Variants in ELAVL1 observed in about 807,000 individuals in gnomAD.
ELAVL1 encodes ELAV-like protein 1.
ELAVL1 carries 1 observed loss-of-function variant against 28.4 expected under a neutral mutation model. That is an observed-to-expected ratio of 0.04 (90% CI 0.01 to 0.17). The LOEUF (loss-of-function observed/expected upper bound fraction) is 0.17. Among genes scored for constraint, ELAVL1 ranks in the 10% least tolerant of loss-of-function variants. ELAVL1 has a pLI of 1.00. For synonymous variants in ELAVL1, 174 were observed against 183.5 expected, an observed-to-expected ratio of 0.95 and a Z score of 0.42; for missense variants, 157 against 447.2, an observed-to-expected ratio of 0.35 and a Z score of 5.85.
chr19:7,993,733 C>A (rs1269217232), intron 1 of ELAVL1, among the ~76,000 whole-genome samples: 1 of 151,698 alleles, frequency 6.6e-6, no homozygotes, highest in Non-Finnish European at 1.5e-5. Context: ...CGGTGAGAGC[C>A]CATCCCTTTC....
intron 2 of ELAVL1, among the ~76,000 whole-genome samples, chr19:7,989,096 G>A (rs535410800): frequency 2.6e-4 from 39 of 152,182 alleles, no homozygotes; most frequent in African/African-American, 4.3e-4. Context: ...CAGATTCGCC[G>A]GGGTGCCTGC....
Position 7,961,785 on chromosome 19 carries a change from GCTGAC to G in ELAVL1, c.*1693_*1697del, listed in dbSNP as rs1244579519. On this transcript the variant is annotated 3_prime_UTR_variant, in exon 6 of 6. Transcript: ENST00000407627. ...CAATTGTCCAGGGGCCTCTCGAGAC[GCTGAC>G]CTGCTCTGGGGACGGTGGTGCCTGC... is the stretch of plus-strand genomic sequence containing the variant. 2 of 152,198 alleles carry G rather than the reference GCTGAC, an allele frequency of 1.3e-5. No individual in the cohort carries two copies. Among genetic ancestry groups the G allele is most frequent in the Non-Finnish European group, 2.9e-5 (2 of 68,042 alleles). 9.4% of individuals were successfully genotyped at this position (152,198 alleles called of 1,614,324 possible).
chr19:7,991,458 A>G (rs1370937572), intron 2 of ELAVL1, among the ~76,000 whole-genome samples, 186 bp downstream of exon 2: 1 of 152,070 alleles, frequency 6.6e-6, no homozygotes, highest in Non-Finnish European at 1.5e-5. Flanking sequence ...CTCTTTTGGG[A>G]ACTTATGTCC....
At chr19:7,984,041 C>A (rs1985535457) in intron 2 of ELAVL1, among the ~76,000 whole-genome samples, 1 of 152,128 alleles carries the variant, frequency 6.6e-6, no homozygotes. Flanking sequence ...GCCCTGAGGA[C>A]CCACCTTTGG....
At chr19:7,965,198 G>A (rs1984923653) in intron 5 of ELAVL1, among the ~76,000 whole-genome samples, 1 of 152,170 alleles carries the variant, frequency 6.6e-6, no homozygotes, top group South Asian at 2.1e-4. Flanking sequence ...GACCACAGGT[G>A]TGTGCCACCA....
intron 2 of ELAVL1, among the ~76,000 whole-genome samples, chr19:7,990,595 T>C (rs1985725815): frequency 6.6e-6 from 1 of 151,688 alleles, no homozygotes; most frequent in African/African-American, 2.4e-5. Flanking sequence ...CTTGAACTTC[T>C]GAGCAAGTGA....
Position 7,969,171 on chromosome 19 carries a change from A to G in ELAVL1, c.431-1381T>C, listed in dbSNP as rs115193951. ...CGCCTGAGGCCAGGAGTTCAAGACC[A>G]GCCTGGACAACACAGTAAGATCTCA... is the stretch of plus-strand genomic sequence containing the variant. On this transcript the variant is annotated intron_variant, in intron 4 of 5. Transcript: ENST00000407627. Among the ~76,000 whole-genome samples the G allele has an allele frequency of 9.6e-3, 1,469 of 152,356 alleles. 25 individuals carry two copies. The highest frequency in any genetic ancestry group is 0.034 in the African/African-American group (1,421 of 41,590).
At chr19:7,973,901 G>C (rs200534294) in intron 3 of ELAVL1, 23 bp from the exon 4 acceptor site, 2 of 1,613,244 alleles carry the variant, frequency 1.2e-6, no homozygotes, top group Non-Finnish European at 1.7e-6. Context: ...ACCACTTTCC[G>C]AGATTAGTAC....
chr19:7,991,515 T>G (rs1985751949), intron 2 of ELAVL1, 129 bp downstream of exon 2: 2 of 934,798 alleles, frequency 2.1e-6, no homozygotes, highest in South Asian at 1.9e-5. Flanking sequence ...AAAATGAAAC[T>G]TCACAGCCAT....
In ELAVL1 at chr19:7,982,215, A is replaced by T. The variant is rs574080392; in HGVS notation, c.173-1029T>A. 6.6e-6 allele frequency among the ~76,000 whole-genome samples: 1 copy of T among 152,318 alleles called. No homozygotes were observed. Among genetic ancestry groups the T allele is most frequent in the East Asian group, 1.9e-4 (1 of 5,184 alleles). ...AGGAGCTTCACAGGACATTTGGCCA[A>T]ATGCTCTCACTAAAGGGGAAGTGAG... On this transcript the variant is annotated intron_variant, in intron 2 of 5. Coordinates refer to ENST00000407627, the MANE Select transcript of ELAVL1 (RefSeq NM_001419.3). The surrounding 1 kb of genome is among the most constrained non-coding windows in gnomAD (Gnocchi z 4.3).
intron 1 of ELAVL1, among the ~76,000 whole-genome samples, chr19:7,993,436 G>T (rs372070965): frequency 1.4e-4 from 22 of 152,330 alleles, no homozygotes; most frequent in African/African-American, 5.1e-4. Context: ...GACACAGTGA[G>T]TGAGCTGGAA....
chr19:7,978,510 C>T (rs1235852698), intron 3 of ELAVL1, among the ~76,000 whole-genome samples: 1 of 152,212 alleles, frequency 6.6e-6, no homozygotes, highest in East Asian at 1.9e-4. Flanking sequence ...GGCAGGTGCA[C>T]AGGTCACATG....
At chr19:7,983,111 G>A (rs1985506809) in intron 2 of ELAVL1, among the ~76,000 whole-genome samples, 1 of 152,216 alleles carries the variant, frequency 6.6e-6, no homozygotes, top group Admixed American at 6.5e-5. Flanking sequence ...GAAATGACGT[G>A]CAGTTAGTTC....
chr19:7,987,132 T>A (rs940891769), intron 2 of ELAVL1, among the ~76,000 whole-genome samples: 1 of 27,576 alleles, frequency 3.6e-5, no homozygotes, highest in Non-Finnish European at 6.9e-5. Flanking sequence ...GGGGGGAGGG[T>A]GCAGCAAGTG....
At chr19:7,971,712 G>C (rs1985117163) in intron 4 of ELAVL1, among the ~76,000 whole-genome samples, 1 of 152,226 alleles carries the variant, frequency 6.6e-6, no homozygotes, top group African/African-American at 2.4e-5. Flanking sequence ...GTCTGTGCTA[G>C]GCTACAGGAA....
intron 1 of ELAVL1, among the ~76,000 whole-genome samples, chr19:7,999,141 G>C (rs1300629977): frequency 6.6e-6 from 1 of 152,258 alleles, no homozygotes; most frequent in East Asian, 1.9e-4. Context: ...GGGAGGCCGA[G>C]GTAGGCGGAT....
At chr19:7,980,266 C>T (rs1449738350) in intron 3 of ELAVL1, among the ~76,000 whole-genome samples, 1 of 152,090 alleles carries the variant, frequency 6.6e-6, no homozygotes, top group Non-Finnish European at 1.5e-5. Context: ...CTGCCTGGGG[C>T]ACGGGAGGCT....
chr19:7,970,890 C>G (rs547864642), intron 4 of ELAVL1, among the ~76,000 whole-genome samples: 1 of 152,288 alleles, frequency 6.6e-6, no homozygotes, highest in South Asian at 2.1e-4. Context: ...CTAAAAAGCC[C>G]GTCACAGGAA....
At chr19:7,986,890 G>A (rs1985616262) in intron 2 of ELAVL1, among the ~76,000 whole-genome samples, 1 of 152,148 alleles carries the variant, frequency 6.6e-6, no homozygotes, top group African/African-American at 2.4e-5. Flanking sequence ...AAAATCATTT[G>A]GAGGGACATG....
Sources: gnomAD v4.1 joint callset for allele counts (sites outside exome capture counted in the v4.1 genomes callset) on GRCh38, gnomAD v4.1.1 for gene constraint, Gnocchi (gnomAD v3.1) non-coding constraint, MANE v1.5 for transcripts, NCBI Gene and HGNC (gene_info 2026-07-23, HGNC 2026-07-21) for gene names.